Variants in KLHL1 observed in about 807,000 individuals in gnomAD.
The protein encoded by KLHL1 is kelch like family member 1.
In KLHL1, 47 loss-of-function variants were observed where a neutral mutation model predicts 77.7. The ratio of observed to expected loss-of-function variants is 0.60; its 90% CI spans 0.48 to 0.77. KLHL1 has a LOEUF of 0.77. Among genes scored for constraint, KLHL1 ranks in the 30% least tolerant of loss-of-function variants. The pLI, the probability that KLHL1 is intolerant of heterozygous loss-of-function variation, is 0.00. For synonymous variants in KLHL1, 360 were observed against 325.2 expected (o/e 1.11, Z -1.15); for missense variants, 925 against 910.8 (o/e 1.02, Z -0.20).
intron 7 of KLHL1, among the ~76,000 whole-genome samples, chr13:69,752,564 C>G (rs1296821839): frequency 6.6e-6 from 1 of 152,130 alleles, no homozygotes; most frequent in Non-Finnish European, 1.5e-5. Flanking sequence ...GATTCTAGCT[C>G]TAAATGTCAG....
chr13:69,944,127 C>A (rs916836935), intron 3 of KLHL1, among the ~76,000 whole-genome samples: 1 of 152,136 alleles, frequency 6.6e-6, no homozygotes, highest in African/African-American at 2.4e-5. Flanking sequence ...CTGATAAAAT[C>A]GACTCACTGT....
At position 69,708,309 on chromosome 13, in the gene KLHL1, G is replaced by GT. The variant is rs898103402; in HGVS notation, c.2016-514dup. ...TTTGTTGTTGTTGTTGTTTTGTTTT[G>GT]TTTTTTGTTTTAATGCATGGTCCGC... On this transcript the variant is annotated intron_variant, in intron 9 of 10. Transcript: ENST00000377844. 4.6e-5 allele frequency among the ~76,000 whole-genome samples: 7 copies of GT among 151,980 alleles called. No individual in the cohort carries two copies. In the South Asian group the frequency reaches 8.3e-4, roughly 18 times the overall value.
chr13:70,061,709 T>C (rs147641686), intron 1 of KLHL1, among the ~76,000 whole-genome samples: 63 of 152,280 alleles, frequency 4.1e-4, no homozygotes, highest in Non-Finnish European at 3.4e-4. Context: ...AATTCTCTTC[T>C]CTCCACTCCA....
chr13:69,917,735 C>A (rs1352025278), intron 4 of KLHL1, among the ~76,000 whole-genome samples: 1 of 152,036 alleles, frequency 6.6e-6, no homozygotes, highest in Non-Finnish European at 1.5e-5. Flanking sequence ...TAGGTCTTTG[C>A]AAGGTTTTTT....
chr13:69,992,885 T>C (rs571509147), intron 1 of KLHL1, among the ~76,000 whole-genome samples: 5 of 151,884 alleles, frequency 3.3e-5, no homozygotes, highest in Non-Finnish European at 7.4e-5. Flanking sequence ...ATAATGTTTT[T>C]CCTTTTTTAC....
intron 7 of KLHL1, among the ~76,000 whole-genome samples, chr13:69,789,276 G>GTCTC (rs1414296365): frequency 5.9e-5 from 9 of 151,688 alleles, no homozygotes; most frequent in Admixed American, 5.2e-4. Context: ...TTACATGTCT[G>GTCTC]TCTGTCTTTT....
At chr13:70,020,484 A>G (rs1043262727) in intron 1 of KLHL1, among the ~76,000 whole-genome samples, 6 of 152,042 alleles carry the variant, frequency 3.9e-5, no homozygotes, top group African/African-American at 1.4e-4. Flanking sequence ...CTCTGCCTTC[A>G]TGTTAGGAGT....
At chr13:70,025,803 T>C (rs576278324) in intron 1 of KLHL1, among the ~76,000 whole-genome samples, 52 of 152,002 alleles carry the variant, frequency 3.4e-4, no homozygotes, top group Non-Finnish European at 6.8e-4. Flanking sequence ...TCTGAGTGAA[T>C]AAATTGCCCT....
chr13:70,012,359 A>G (rs2501248), intron 1 of KLHL1, among the ~76,000 whole-genome samples: 82,264 of 151,616 alleles, frequency 0.54, 22,543 homozygotes, highest in Non-Finnish European at 0.58. Flanking sequence ...ATTTACCTAT[A>G]TTTTTCACTT....
At chr13:69,992,526 T>C (rs1282014302) in intron 1 of KLHL1, among the ~76,000 whole-genome samples, 2 of 152,020 alleles carry the variant, frequency 1.3e-5, no homozygotes, top group South Asian at 2.1e-4. Flanking sequence ...TGGTTGATGT[T>C]ACTACAATCT....
intron 1 of KLHL1, among the ~76,000 whole-genome samples, chr13:70,049,623 C>G (rs967158487): frequency 6.6e-6 from 1 of 152,042 alleles, no homozygotes; most frequent in Non-Finnish European, 1.5e-5. Context: ...TTTATTTACA[C>G]AGATTTTATA....
intron 5 of KLHL1, among the ~76,000 whole-genome samples, chr13:69,877,243 T>C (rs1880804374): frequency 1.3e-5 from 2 of 152,094 alleles, no homozygotes; most frequent in Admixed American, 1.3e-4. Context: ...ATAGCAAAAA[T>C]CTGATACTTA....
chr13:70,011,298 C>G (rs1255865503), intron 1 of KLHL1, among the ~76,000 whole-genome samples: 3 of 152,108 alleles, frequency 2.0e-5, no homozygotes, highest in East Asian at 1.9e-4. Context: ...AGGAAAGAAG[C>G]ATGACCATGA....
chr13:69,948,523 G>T (rs947049802), intron 3 of KLHL1, among the ~76,000 whole-genome samples: 1 of 151,934 alleles, frequency 6.6e-6, no homozygotes, highest in Non-Finnish European at 1.5e-5. Flanking sequence ...TTTAAATAGG[G>T]TTCCAATAAG....
intron 6 of KLHL1, among the ~76,000 whole-genome samples, chr13:69,816,598 G>A (rs940951989): frequency 2.0e-5 from 3 of 151,956 alleles, no homozygotes; most frequent in African/African-American, 7.3e-5. Flanking sequence ...TATTTTAAAT[G>A]TTCTACCATA....
At chr13:69,936,257 G>C (rs1883186020) in intron 4 of KLHL1, among the ~76,000 whole-genome samples, 1 of 152,070 alleles carries the variant, frequency 6.6e-6, no homozygotes, top group Non-Finnish European at 1.5e-5. Context: ...AAATGCCTGG[G>C]TAGCAGCTTA....
chr13:69,761,157 G>A (rs1875002334), intron 7 of KLHL1, among the ~76,000 whole-genome samples: 1 of 152,166 alleles, frequency 6.6e-6, no homozygotes, highest in Non-Finnish European at 1.5e-5. Context: ...AACAATATAA[G>A]AATCTGGCAG....
chr13:70,020,685 C>T (rs1179989022), intron 1 of KLHL1, among the ~76,000 whole-genome samples: 2 of 151,880 alleles, frequency 1.3e-5, no homozygotes, highest in South Asian at 2.1e-4. Flanking sequence ...CATCACAAGT[C>T]GGCTGAATGC....
At chr13:69,934,845 T>C (rs1883117107) in intron 4 of KLHL1, among the ~76,000 whole-genome samples, 1 of 151,556 alleles carries the variant, frequency 6.6e-6, no homozygotes, top group Admixed American at 6.6e-5. Flanking sequence ...TTCTACCTCA[T>C]TTTTTACAAT....
Sources: allele counts gnomAD v4.1 joint callset (sites outside exome capture counted in the v4.1 genomes callset), GRCh38; gene constraint gnomAD v4.1.1; transcripts MANE v1.5; gene names NCBI Gene and HGNC (gene_info 2026-07-23, HGNC 2026-07-21).